The following CSMD3 variants were observed in gnomAD, a reference collection of about 807,000 sequenced individuals.
CSMD3 encodes the protein CUB and Sushi multiple domains 3, also known as CUB and sushi domain-containing protein 3.
Under a neutral mutation model 435.2 loss-of-function variants are expected in CSMD3, and 177 were observed. The ratio of observed to expected loss-of-function variants is 0.41; its 90% confidence interval spans 0.36 to 0.46. The LOEUF (loss-of-function observed/expected upper bound fraction) is 0.46, where lower values mean the gene tolerates loss of function less well. CSMD3 is among the 20% of genes least tolerant of loss of function. The pLI is 0.34. For missense variants in CSMD3, 4,265 were observed against 4,504.6 expected, an observed-to-expected ratio of 0.95 and a Z score of 1.52; for synonymous variants, 1,656 against 1,520.5, an observed-to-expected ratio of 1.09 and a Z score of -2.07.
chr8:112,722,556 C>T (rs12114818), intron 13 of CSMD3, among the ~76,000 whole-genome samples: 101 of 152,016 alleles, frequency 6.6e-4, no homozygotes, highest in Non-Finnish European at 1.2e-3. Flanking sequence ...TGCATGCACA[C>T]GAGCCTGTGT....
chr8:113,408,028 T>TA (rs2094540781), intron 1 of CSMD3, among the ~76,000 whole-genome samples: 1 of 152,196 alleles, frequency 6.6e-6, no homozygotes. Flanking sequence ...TTTAAATAGT[T>TA]AAAAATTTTT....
At chr8:112,361,206 G>A (rs898427340) in intron 38 of CSMD3, among the ~76,000 whole-genome samples, 8 of 151,760 alleles carry the variant, frequency 5.3e-5, no homozygotes, top group Non-Finnish European at 1.0e-4. Flanking sequence ...AAATTATGCC[G>A]TTGGCAACCA....
At chr8:113,428,708 C>T (rs2094651642) in intron 1 of CSMD3, among the ~76,000 whole-genome samples, 1 of 151,836 alleles carries the variant, frequency 6.6e-6, no homozygotes, top group African/African-American at 2.4e-5. Context: ...ATAAGAATGT[C>T]TCGTATCCTC....
chr8:113,208,026 T>C (rs1481763936), intron 3 of CSMD3, among the ~76,000 whole-genome samples: 1 of 152,196 alleles, frequency 6.6e-6, no homozygotes, highest in Non-Finnish European at 1.5e-5. Context: ...GAATGCTTTA[T>C]CAAGTCTGCA....
At chr8:113,060,263 C>T (rs936310923) in intron 5 of CSMD3, among the ~76,000 whole-genome samples, 4 of 142,674 alleles carry the variant, frequency 2.8e-5, no homozygotes, top group East Asian at 2.1e-4. Context: ...TTTGTTCTTG[C>T]GATAGTTTAC....
intron 13 of CSMD3, among the ~76,000 whole-genome samples, chr8:112,783,994 C>G (rs1473541305): frequency 6.6e-6 from 1 of 151,948 alleles, no homozygotes; most frequent in Non-Finnish European, 1.5e-5. Flanking sequence ...ACAATTATAG[C>G]TGGAGATTTA....
intron 4 of CSMD3, among the ~76,000 whole-genome samples, chr8:113,107,973 T>C (rs1488739921): frequency 6.6e-6 from 1 of 152,326 alleles, no homozygotes; most frequent in South Asian, 2.1e-4. Flanking sequence ...AGTATTTAAA[T>C]TGATCATCAA....
chr8:112,309,152 G>A (rs1821718711), intron 50 of CSMD3, among the ~76,000 whole-genome samples: 1 of 151,704 alleles, frequency 6.6e-6, no homozygotes, highest in Non-Finnish European at 1.5e-5. Flanking sequence ...TAAGGACATT[G>A]AAAAAATGAC....
At chr8:112,380,284 C>T in intron 38 of CSMD3, 68 bp downstream of exon 38, 3 of 881,526 alleles carry the variant, frequency 3.4e-6, no homozygotes, top group South Asian at 2.9e-5. Flanking sequence ...TACATATCAA[C>T]AAAAATATTT....
At chr8:113,153,100 G>GAAAGA (rs1564370762) in intron 4 of CSMD3, among the ~76,000 whole-genome samples, 1 of 54,002 alleles carries the variant, frequency 1.9e-5, no homozygotes, top group African/African-American at 9.4e-5. Context: ...AAGAAAGAAA[G>GAAAGA]AAAAGAAAGA....
chr8:112,582,815 G>A (rs1334689479), intron 23 of CSMD3, among the ~76,000 whole-genome samples: 1 of 151,972 alleles, frequency 6.6e-6, no homozygotes, highest in Non-Finnish European at 1.5e-5. Flanking sequence ...AATGGAATAA[G>A]TGCCCTTGTA....
At chr8:113,289,578 G>GAGAGAC (rs2093671236) in intron 2 of CSMD3, among the ~76,000 whole-genome samples, 2 of 150,136 alleles carry the variant, frequency 1.3e-5, no homozygotes, top group Admixed American at 6.6e-5. Flanking sequence ...GAGAGAGAGA[G>GAGAGAC]AGAGAGAGAG....
At chr8:112,520,921 C>T (rs987363446) in intron 27 of CSMD3, among the ~76,000 whole-genome samples, 7 of 151,862 alleles carry the variant, frequency 4.6e-5, no homozygotes, top group African/African-American at 1.4e-4. Flanking sequence ...AATCCATCAC[C>T]TCACTGGTAT....
At chr8:113,357,737 T>C (rs1415856495) in intron 1 of CSMD3, among the ~76,000 whole-genome samples, 18 of 152,194 alleles carry the variant, frequency 1.2e-4, no homozygotes, top group Admixed American at 1.2e-3. Flanking sequence ...GGGGGCAGAT[T>C]TCCCTCTTGC....
At chr8:112,334,622 A>G (rs1430958389) in intron 45 of CSMD3, among the ~76,000 whole-genome samples, 2 of 152,212 alleles carry the variant, frequency 1.3e-5, no homozygotes, top group Admixed American at 6.5e-5. Context: ...CATTATAGAT[A>G]AATAGCCATT....
intron 10 of CSMD3, among the ~76,000 whole-genome samples, chr8:112,885,324 T>C (rs946433755): frequency 2.0e-5 from 3 of 150,714 alleles, no homozygotes; most frequent in African/African-American, 4.9e-5. Context: ...TGAGCTGCAA[T>C]AGTCATAGAG....
intron 3 of CSMD3, among the ~76,000 whole-genome samples, chr8:113,197,801 T>C (rs2092675451): frequency 6.6e-6 from 1 of 151,248 alleles, no homozygotes; most frequent in Non-Finnish European, 1.5e-5. Flanking sequence ...AATAGTTCAA[T>C]ATAATTTATT....
intron 6 of CSMD3, among the ~76,000 whole-genome samples, chr8:112,987,938 G>A (rs189290133): frequency 1.6e-4 from 24 of 152,020 alleles, no homozygotes; most frequent in African/African-American, 5.5e-4. Flanking sequence ...ATGATGGGGA[G>A]GTGTTAGAGT....
At chr8:112,898,856 G>T (rs2082024615) in intron 10 of CSMD3, among the ~76,000 whole-genome samples, 1 of 151,020 alleles carries the variant, frequency 6.6e-6, no homozygotes, top group Non-Finnish European at 1.5e-5. Flanking sequence ...CCAAATCTTT[G>T]TTGGACAACA....
Sources: allele counts gnomAD v4.1 joint callset (sites outside exome capture counted in the v4.1 genomes callset), GRCh38; gene constraint gnomAD v4.1.1; transcripts MANE v1.5; gene names NCBI Gene and HGNC (gene_info 2026-07-23, HGNC 2026-07-21).